SMAP1: variants seen among roughly 807,000 people sequenced by gnomAD.
SMAP1 encodes small ArfGAP 1.
Under a neutral mutation model 58.5 loss-of-function variants are expected in SMAP1, and 24 were observed. The observed-to-expected ratio is 0.41, with a 90% CI of 0.30 to 0.58. The LOEUF (loss-of-function observed/expected upper bound fraction) is 0.58. Ranked by LOEUF, SMAP1 falls within the 20% of genes least tolerant of loss-of-function variation. SMAP1 has a pLI of 0.29. For synonymous variants in SMAP1, 216 were observed against 196.6 expected (o/e 1.10, Z -0.82); for missense variants, 563 against 566.3 (o/e 0.99, Z 0.06).
chr6:70,711,993 C>T (rs1363099185), intron 1 of SMAP1, among the ~76,000 whole-genome samples: 2 of 152,134 alleles, frequency 1.3e-5, no homozygotes, highest in African/African-American at 4.8e-5. Flanking sequence ...GAATAGATAT[C>T]CTTTCCTTGT....
intron 3 of SMAP1, among the ~76,000 whole-genome samples, chr6:70,769,408 A>G (rs1767165944): frequency 6.6e-6 from 1 of 152,170 alleles, no homozygotes; most frequent in Non-Finnish European, 1.5e-5. Flanking sequence ...TAGGTCACTC[A>G]GGACTTGCTT....
intron 6 of SMAP1, among the ~76,000 whole-genome samples, chr6:70,817,631 C>T (rs1324080757): frequency 2.6e-5 from 4 of 152,142 alleles, no homozygotes; most frequent in East Asian, 1.9e-4. Flanking sequence ...TTGTTATCCC[C>T]TTTGTGATTG....
intron 3 of SMAP1, among the ~76,000 whole-genome samples, chr6:70,762,098 A>G (rs190164892): frequency 1.2e-4 from 19 of 152,214 alleles, no homozygotes; most frequent in Admixed American, 7.2e-4. Context: ...ATGCAAAACT[A>G]TGGTAAAAAT....
At position 70,858,081 on chromosome 6, in the gene SMAP1, A is replaced by G. The variant is rs145015957; in HGVS notation, c.1121A>G (p.Asn374Ser). Residue 374 changes from asparagine (N) to serine (S), a missense_variant, in exon 10 of 11, where the codon AAT (asparagine) becomes AGT (serine). By Grantham distance (46) the Asn-to-Ser change is conservative. Coordinates refer to ENST00000370455, the MANE Select transcript of SMAP1 (RefSeq NM_001044305.3). ...PSMMVGMPMPNGFMGNAQTGV... is the reference protein window; with the variant it reads ...PSMMVGMPMPSGFMGNAQTGV... ...ATGATGGTGGGCATGCCCATGCCCA[A>G]TGGGTTTATGGGAAATGCACAAACT... 180 of 1,614,080 alleles carry G rather than the reference A, an allele frequency of 1.1e-4. 2 individuals carry two copies. The highest frequency in any genetic ancestry group is 1.0e-3 in the South Asian group (91 of 91,082).
chr6:70,697,750 A>C (rs1310948777), intron 1 of SMAP1, among the ~76,000 whole-genome samples: 1 of 152,174 alleles, frequency 6.6e-6, no homozygotes, highest in African/African-American at 2.4e-5. Context: ...TTTTAAACTG[A>C]TGACAACTTA....
intron 1 of SMAP1, among the ~76,000 whole-genome samples, chr6:70,730,279 ACTC>A (rs1765371802): frequency 6.8e-6 from 1 of 146,684 alleles, no homozygotes; most frequent in African/African-American, 2.6e-5. Context: ...TGGTCTCAAA[ACTC>A]CTGGCCTCAA....
rs182797405 is a variant in SMAP1 at position 70,850,548 on chromosome 6, G to A, written c.665-1992G>A. Among the ~76,000 whole-genome samples the A allele has an allele frequency of 2.0e-5, 3 of 150,878 alleles. No individual in the cohort carries two copies. The South Asian group carries it at 6.3e-4, about 31-fold the overall frequency. ...ACATTTAAAATTTGTACATATATAA[G>A]TATATATACATTTTATATATATAAT... is the stretch of plus-strand genomic sequence containing the variant. On this transcript the variant is annotated intron_variant, in intron 7 of 10. Transcript: ENST00000370455.
Position 70,857,992 on chromosome 6 carries a change from G to C in SMAP1, c.1032G>C (p.Ser344=), listed in dbSNP as rs761498824. The C allele has an allele frequency of 8.7e-6, 14 of 1,613,980 alleles. No individual in the cohort carries two copies. In the Middle Eastern group the frequency reaches 4.9e-4, roughly 57 times the overall value. The change falls in exon 10 of 11, where the codon TCG becomes TCC. Residue 344 remains serine (S), a synonymous_variant. Transcript: ENST00000370455. ...CAGCTGCATTTCAGGGCTTTCCATC[G>C]ATGGGCGTGCCTGTGCCTGCAGCTC... The part of the protein sequence containing the change: ...QAPAAFQGFP[S]MGVPVPAAPG...
At position 70,813,724 on chromosome 6, in the gene SMAP1, T is replaced by A. The variant is rs574191893; in HGVS notation, c.576+14987T>A. ...GGTAATATTTGTCTTTTAACATTTT[T>A]AAAAAAATATTTTAAATGCACAAAA... On this transcript the variant is annotated intron_variant, in intron 6 of 10. Coordinates refer to ENST00000370455, the MANE Select transcript of SMAP1 (RefSeq NM_001044305.3). Among the ~76,000 whole-genome samples, 34 of 151,924 alleles carry A rather than the reference T, an allele frequency of 2.2e-4. No individual in the cohort carries two copies. The South Asian group carries it at 3.7e-3, about 17-fold the overall frequency.
chr6:70,753,980 TTTTG>T lies in SMAP1; in HGVS notation c.253-995_253-992del, dbSNP rs201698773. The stretch of plus-strand genomic sequence containing the variant: ...CAGTTGGGAGAAGAGTCACTATATT[TTTTG>T]TTTGAAGAAAGATAGTTCTGTGTAT... On this transcript the variant is annotated intron_variant, in intron 2 of 10. Coordinates refer to ENST00000370455, the MANE Select transcript of SMAP1 (RefSeq NM_001044305.3). Among the ~76,000 whole-genome samples, 1,515 of 152,200 alleles carry T rather than the reference TTTTG, an allele frequency of 1.0e-2. 30 individuals are homozygous for T. Among genetic ancestry groups the T allele is most frequent in the African/African-American group, 0.034 (1,411 of 41,564 alleles).
chr6:70,723,530 T>G (rs1376406684), intron 1 of SMAP1, among the ~76,000 whole-genome samples: 2 of 152,220 alleles, frequency 1.3e-5, no homozygotes, highest in Admixed American at 1.3e-4. Flanking sequence ...AAATGATGAC[T>G]ACCTTTCCCT....
intron 4 of SMAP1, among the ~76,000 whole-genome samples, chr6:70,778,136 AAT>A (rs1452184902): frequency 5.9e-5 from 9 of 152,184 alleles, no homozygotes; most frequent in Admixed American, 6.5e-5. Context: ...GAGATGTTTT[AAT>A]ACAGGCATGG....
At chr6:70,731,186 G>T (rs1394832660) in intron 1 of SMAP1, among the ~76,000 whole-genome samples, 1 of 152,114 alleles carries the variant, frequency 6.6e-6, no homozygotes, top group Non-Finnish European at 1.5e-5. Context: ...ATATGATTCT[G>T]AATATTTGGC....
Position 70,832,670 on chromosome 6 carries a change from C to T in SMAP1, c.577-4271C>T, listed in dbSNP as rs983398568. On this transcript the variant is annotated intron_variant, in intron 6 of 10. Coordinates refer to ENST00000370455, the MANE Select transcript of SMAP1 (RefSeq NM_001044305.3). ...CCAGCATCTGGTGAGGTCCCTCATG[C>T]TGTATCATCCCATGGTTGGAAGCTG... Among the ~76,000 whole-genome samples, 4 of 152,180 alleles carry T rather than the reference C, an allele frequency of 2.6e-5. No homozygotes were observed. The South Asian group carries it at 8.3e-4, about 32-fold the overall frequency.
intron 1 of SMAP1, among the ~76,000 whole-genome samples, chr6:70,672,611 A>G (rs1396183802): frequency 1.3e-5 from 2 of 152,202 alleles, no homozygotes; most frequent in Non-Finnish European, 2.9e-5. Context: ...TATCTTGGTT[A>G]GGGTAGTATC....
At chr6:70,761,985 A>G (rs983533149) in intron 3 of SMAP1, among the ~76,000 whole-genome samples, 2 of 152,122 alleles carry the variant, frequency 1.3e-5, no homozygotes, top group African/African-American at 2.4e-5. Flanking sequence ...AGATCAGCTA[A>G]CCTAAAGGTC....
intron 1 of SMAP1, among the ~76,000 whole-genome samples, chr6:70,726,355 A>T (rs925050913): frequency 5.9e-5 from 9 of 152,216 alleles, no homozygotes; most frequent in African/African-American, 2.2e-4. Flanking sequence ...TACAGAACAT[A>T]CAGAGATCAA....
chr6:70,820,406 A>G (rs887486207), intron 6 of SMAP1, among the ~76,000 whole-genome samples: 3 of 152,196 alleles, frequency 2.0e-5, no homozygotes, highest in Non-Finnish European at 4.4e-5. Flanking sequence ...GACTAGAGAA[A>G]TATTATGAAA....
rs527965276 is a variant in SMAP1, at chr6:70,754,511, G to T, written c.253-469G>T. On this transcript the variant is annotated intron_variant, in intron 2 of 10. Coordinates refer to ENST00000370455, the MANE Select transcript of SMAP1 (RefSeq NM_001044305.3). ...TTAATACATTTTTACAGAGTTTTAG[G>T]TCAGCACTGTTTCTCTCTTATCTGG... Among the ~76,000 whole-genome samples, 3 of 152,138 alleles carry T rather than the reference G, an allele frequency of 2.0e-5. No individual in the cohort carries two copies. In the South Asian group the frequency reaches 6.2e-4, roughly 32 times the overall value.
Sources: allele counts gnomAD v4.1 joint callset (sites outside exome capture counted in the v4.1 genomes callset), GRCh38; gene constraint gnomAD v4.1.1; transcripts MANE v1.5; gene names NCBI Gene and HGNC (gene_info 2026-07-23, HGNC 2026-07-21).